The following IKBKE variants were observed in gnomAD, a reference collection of about 807,000 sequenced individuals.
The protein encoded by IKBKE is inhibitor of nuclear factor kappa-B kinase subunit epsilon.
In IKBKE, 45 loss-of-function variants were observed where a neutral mutation model predicts 92.1. The ratio of observed to expected loss-of-function variants is 0.49; its 90% CI spans 0.38 to 0.63. The LOEUF is 0.63. Among genes scored for constraint, IKBKE ranks in the 20% least tolerant of loss-of-function variants. The probability of loss-of-function intolerance (pLI) is 0.00; values close to 1 mark genes in which losing one functional copy is unlikely to be tolerated. For missense variants in IKBKE, 700 were observed against 932.8 expected, an observed-to-expected ratio of 0.75 and a Z score of 3.25; for synonymous variants, 374 against 380.3, an observed-to-expected ratio of 0.98 and a Z score of 0.19.
intron 2 of IKBKE, among the ~76,000 whole-genome samples, chr1:206,472,648 G>T (rs1349331392): frequency 2.6e-5 from 4 of 151,890 alleles, no homozygotes; most frequent in Non-Finnish European, 4.4e-5. Flanking sequence ...AGCAGTACTG[G>T]CCCGGCTGTC....
chr1:206,494,592 CTTTTTTTTTTTTTTTTT>C lies in IKBKE; in HGVS notation c.2117+614_2117+630del, dbSNP rs58971788. The stretch of plus-strand genomic sequence containing the variant: ...TTTTGCATACCAGTAAAAGTTCTTT[CTTTTTTTTTTTTTTTTT>C]TTTTTTTTTTTTGAGACGGAGTCTC... On this transcript the variant is annotated intron_variant, in intron 21 of 21. Coordinates refer to ENST00000581977, the MANE Select transcript of IKBKE (RefSeq NM_014002.4). 5.3e-4 allele frequency among the ~76,000 whole-genome samples: 34 copies of C among 63,900 alleles called. 1 individual carries two copies. Among genetic ancestry groups the C allele is most frequent in the African/African-American group, 1.8e-3 (32 of 17,396 alleles). The allele number at this position is 63,900 out of a possible 152,430, so 41.9% of individuals were successfully genotyped here.
At chr1:206,492,398 A>C (rs1553390648) in intron 18 of IKBKE, 1 of 466,472 alleles carries the variant, frequency 2.1e-6, no homozygotes, top group Non-Finnish European at 4.5e-6. Flanking sequence ...TCACCTTGTT[A>C]TGGGGCTGAG....
chr1:206,479,972 C>T lies in IKBKE; in HGVS notation c.1248+38C>T, dbSNP rs376305614. 3.7e-6 allele frequency: 6 copies of T among 1,613,042 alleles called. No individual in the cohort carries two copies. In the African/African-American group the frequency reaches 6.7e-5, roughly 18 times the overall value. ...CCCCAGGTGGCAGGGAGGGGCATGA[C>T]CCAAGGGTAGGAGGTGTGGGACCTG... On this transcript the variant is annotated intron_variant, in intron 11 of 21. Transcript: ENST00000581977.
At chr1:206,494,986 TAAAA>T (rs33957066) in intron 21 of IKBKE, among the ~76,000 whole-genome samples, 37 of 108,928 alleles carry the variant, frequency 3.4e-4, no homozygotes, top group South Asian at 8.8e-4. Context: ...ACATTTGAAG[TAAAA>T]AAAAAAAAAA....
At chr1:206,489,693 G>A (rs1665852041) in intron 16 of IKBKE, among the ~76,000 whole-genome samples, 1 of 152,034 alleles carries the variant, frequency 6.6e-6, no homozygotes, top group South Asian at 2.1e-4. Context: ...GCCAGGGCAA[G>A]AGCGAGACCC....
At position 206,485,515 on chromosome 1, in the gene IKBKE, G is replaced by T. The variant is rs1475720781; in HGVS notation, c.1616+209G>T. Among the ~76,000 whole-genome samples the T allele has an allele frequency of 3.3e-5, 5 of 152,130 alleles. No individual in the cohort carries two copies. Among genetic ancestry groups the T allele is most frequent in the Non-Finnish European group, 5.9e-5 (4 of 68,034 alleles). On this transcript the variant is annotated intron_variant, in intron 15 of 21. Coordinates refer to ENST00000581977, the MANE Select transcript of IKBKE (RefSeq NM_014002.4). The surrounding 1 kb of genome is among the most constrained non-coding windows in gnomAD (Gnocchi z 5.0). ...CAGCCAGGAGGAGAAAAGGATCTGG[G>T]GTCCTGCACCCATCTTGGAGTTTGA...
Position 206,478,192 on chromosome 1 carries a change from C to T in IKBKE, c.845C>T (p.Ala282Val), listed in dbSNP as rs1224901062. The T allele has an allele frequency of 6.2e-7, 1 of 1,614,048 alleles. No individual in the cohort carries two copies. The highest frequency in any genetic ancestry group is 1.1e-5 in the South Asian group (1 of 91,090). Residue 282 changes from alanine (A) to valine (V), a missense_variant, in exon 9 of 22, where the codon GCC (alanine) becomes GTC (valine). Coordinates refer to ENST00000581977, the MANE Select transcript of IKBKE (RefSeq NM_014002.4). The surrounding 1 kb of genome is among the most constrained non-coding windows in gnomAD (Gnocchi z 4.8). ...GLQSQLVPIL[A>V]NILEVEQAKC... ...CAGAGCCAGCTGGTGCCCATCCTGG[C>T]CAACATCCTGGAGGTGGAGCAGGCC...
chr1:206,488,043 C>T lies in IKBKE; in HGVS notation c.1693+53C>T, dbSNP rs41299039. On this transcript the variant is annotated intron_variant, in intron 16 of 21. Transcript: ENST00000581977. ...TCTCTCTCCTCTGTCTCCCTTCTTT[C>T]GCCTTTCTTCCTTTTCACTGGTGCT... The T allele has an allele frequency of 1.3e-3, 1,738 of 1,382,648 alleles. 17 individuals carry two copies. The African/African-American group carries it at 0.021, about 16-fold the overall frequency. 85.6% of individuals were successfully genotyped at this position (1,382,648 alleles called of 1,614,324 possible). A position where few individuals can be genotyped will look rare whatever the true frequency, so the allele number is the denominator to read the frequency against.
intron 13 of IKBKE, among the ~76,000 whole-genome samples, chr1:206,481,020 C>T (rs1665356472): frequency 6.6e-6 from 1 of 152,150 alleles, no homozygotes; most frequent in Admixed American, 6.5e-5. Context: ...GTTCCCTGCC[C>T]CAATCTTTGG....
rs782684888 is a variant in IKBKE at position 206,473,199 on chromosome 1, G to C, written c.-29G>C. ...CCCCAGCATGCTCTTTCTCTAGGCA[G>C]AAGGTGACCAGCCAGCTCAGGGCAG... On this transcript the variant is annotated 5_prime_UTR_variant, in exon 3 of 22. Transcript: ENST00000581977. 1.6e-5 allele frequency: 25 copies of C among 1,581,770 alleles called. No homozygotes were observed. The highest frequency in any genetic ancestry group is 1.2e-4 in the Admixed American group (7 of 58,520).
chr1:206,491,563 G>T, intron 17 of IKBKE, 85 bp from the exon 18 acceptor site: 2 of 932,100 alleles, frequency 2.1e-6, no homozygotes, highest in Non-Finnish European at 3.5e-6. Context: ...AGGTGGTGAC[G>T]GAGACTGACG....
chr1:206,477,037 G>GC (rs1665106493), intron 7 of IKBKE, among the ~76,000 whole-genome samples, 199 bp downstream of exon 7: 2 of 152,358 alleles, frequency 1.3e-5, no homozygotes, highest in Admixed American at 6.5e-5. Flanking sequence ...GCTGATGGGA[G>GC]TCTGTGAATA....
intron 13 of IKBKE, among the ~76,000 whole-genome samples, chr1:206,483,241 A>G (rs1553387636): frequency 2.0e-5 from 3 of 152,262 alleles, no homozygotes; most frequent in African/African-American, 7.2e-5. Context: ...ATAGGTGAAG[A>G]GCCTGAGGCC....
At chr1:206,488,325 C>T (rs115811140) in intron 16 of IKBKE, among the ~76,000 whole-genome samples, 1,588 of 152,278 alleles carry the variant, frequency 0.01, 20 homozygotes, top group Non-Finnish European at 0.015. Flanking sequence ...AAAGAGATCT[C>T]GCACCTTGGC....
chr1:206,479,261 C>T (rs1665236179), intron 10 of IKBKE, 128 bp downstream of exon 10: 2 of 784,138 alleles, frequency 2.6e-6, no homozygotes, highest in Non-Finnish European at 2.0e-6. Flanking sequence ...GAGCAGGAGG[C>T]AGATGTGGGT....
rs1278581379 is a variant in IKBKE at position 206,493,441 on chromosome 1, T to C, written c.2045+63T>C. 6.3e-6 allele frequency: 8 copies of C among 1,270,676 alleles called. No homozygotes were observed. The African/African-American group carries it at 7.4e-5, about 12-fold the overall frequency. The allele number at this position is 1,270,676 out of a possible 1,614,324, so 78.7% of individuals were successfully genotyped here. A position where few individuals can be genotyped will look rare whatever the true frequency, so the allele number is the denominator to read the frequency against. On this transcript the variant is annotated intron_variant, in intron 20 of 21. Coordinates refer to ENST00000581977, the MANE Select transcript of IKBKE (RefSeq NM_014002.4). Reference sequence around the variant, plus strand: ...GAAGGGGGTTGCAGGGAGCAGAGTATGCTGAGGTTAGAGCCTGAGGGGTTT... The same window carrying C: ...GAAGGGGGTTGCAGGGAGCAGAGTACGCTGAGGTTAGAGCCTGAGGGGTTT...
Position 206,474,477 on chromosome 1 carries a change from T to A in IKBKE, c.228+6T>A. On this transcript the variant is annotated splice_donor_region_variant and intron_variant, in intron 4 of 21. Coordinates refer to ENST00000581977, the MANE Select transcript of IKBKE (RefSeq NM_014002.4). ...TCTTTGCGGTGGAGGAGACGGTAGG[T>A]CCGGTGCTTGGTCAGAGAATGGTCT... 6.2e-7 allele frequency: 1 copy of A among 1,611,368 alleles called. No homozygotes were observed. Among genetic ancestry groups the A allele is most frequent in the Non-Finnish European group, 8.5e-7 (1 of 1,178,432 alleles).
intron 3 of IKBKE, among the ~76,000 whole-genome samples, 182 bp downstream of exon 3, chr1:206,473,496 G>A (rs1349380742): frequency 2.0e-5 from 3 of 152,242 alleles, no homozygotes; most frequent in Admixed American, 1.3e-4. Flanking sequence ...ACGGCTCCTT[G>A]AGAGGATGCC....
At chr1:206,474,307 C>T (rs781890343) in intron 3 of IKBKE, 24 bp from the exon 4 acceptor site, 3 of 1,603,534 alleles carry the variant, frequency 1.9e-6, no homozygotes, top group Non-Finnish European at 2.6e-6. Flanking sequence ...ATGCTGTCTC[C>T]CACTGCTCCC....
Sources: gnomAD v4.1 joint callset for allele counts (sites outside exome capture counted in the v4.1 genomes callset) on GRCh38, gnomAD v4.1.1 for gene constraint, Gnocchi (gnomAD v3.1) non-coding constraint, MANE v1.5 for transcripts, NCBI Gene and HGNC (gene_info 2026-07-23, HGNC 2026-07-21) for gene names.